Variants in ENTREP2 observed in about 807,000 individuals in gnomAD.
ENTREP2 encodes the protein protein ENTREP2.
chr15:29,409,451 G>A, the ENTREP2 span, among the ~76,000 whole-genome samples: 17 of 151,804 alleles, frequency 1.1e-4, no homozygotes, highest in African/African-American at 4.1e-4. Flanking sequence ...TCAGCCTCCT[G>A]AGTAGCTGGG....
the ENTREP2 span, chr15:29,570,713 G>A: frequency 9.3e-7 from 1 of 1,073,410 alleles, no homozygotes; most frequent in Non-Finnish European, 1.1e-6. Flanking sequence ...GGGGCCGCCG[G>A]CCGGAGGCAT....
the ENTREP2 span, among the ~76,000 whole-genome samples, chr15:29,660,196 ATC>A: frequency 6.6e-6 from 1 of 152,220 alleles, no homozygotes; most frequent in Non-Finnish European, 1.5e-5. Flanking sequence ...AAATGCAAGG[ATC>A]TTTCCATTAC....
At chr15:29,198,511 G>A in the ENTREP2 span, among the ~76,000 whole-genome samples, 1 of 152,254 alleles carries the variant, frequency 6.6e-6, no homozygotes, top group African/African-American at 2.4e-5. Flanking sequence ...TGTCCATGCA[G>A]TAACTAATAT....
chr15:29,483,462 TTA>T, the ENTREP2 span, among the ~76,000 whole-genome samples: 1 of 152,228 alleles, frequency 6.6e-6, no homozygotes, highest in South Asian at 2.1e-4. Context: ...CTGTATAATT[TTA>T]TGTTTTACAC....
the ENTREP2 span, among the ~76,000 whole-genome samples, chr15:29,490,984 G>C: frequency 6.6e-6 from 1 of 152,200 alleles, no homozygotes; most frequent in Non-Finnish European, 1.5e-5. Context: ...CACTGCAGGG[G>C]GCAGCATGGC....
chr15:29,355,015 C>A, the ENTREP2 span, among the ~76,000 whole-genome samples: 1 of 152,020 alleles, frequency 6.6e-6, no homozygotes, highest in African/African-American at 2.4e-5. Flanking sequence ...CTGGAGTGGG[C>A]AAGGCATGGC....
chr15:29,571,116 GCGGGAGCCGGGACC>G, the ENTREP2 span, among the ~76,000 whole-genome samples: 1 of 151,146 alleles, frequency 6.6e-6, no homozygotes, highest in Non-Finnish European at 1.5e-5. Flanking sequence ...TGGGGCGGGA[GCGGGAGCCGGGACC>G]CGGGAGCCGG....
chr15:29,392,375 AG>A, the ENTREP2 span, among the ~76,000 whole-genome samples: 1 of 115,704 alleles, frequency 8.6e-6, no homozygotes, highest in Non-Finnish European at 1.7e-5. Context: ...CCCCGATTAA[AG>A]TTCCTTTAGA....
At chr15:29,607,122 C>A in the ENTREP2 span, among the ~76,000 whole-genome samples, 2 of 152,162 alleles carry the variant, frequency 1.3e-5, no homozygotes, top group Non-Finnish European at 2.9e-5. Context: ...CATGAGCCAC[C>A]GCATTCACAT....
At chr15:29,657,036 C>T in the ENTREP2 span, among the ~76,000 whole-genome samples, 2 of 152,086 alleles carry the variant, frequency 1.3e-5, no homozygotes, top group Non-Finnish European at 2.9e-5. Flanking sequence ...GCCGGGCCTT[C>T]GTGGTGAGTG....
At chr15:29,166,108 AT>A in the ENTREP2 span, among the ~76,000 whole-genome samples, 1 of 152,234 alleles carries the variant, frequency 6.6e-6, no homozygotes, top group Non-Finnish European at 1.5e-5. Context: ...AAAGCATTTG[AT>A]AAAATCCAGC....
chr15:29,253,083 T>C, the ENTREP2 span, among the ~76,000 whole-genome samples: 7 of 152,228 alleles, frequency 4.6e-5, no homozygotes, highest in Non-Finnish European at 8.8e-5. Flanking sequence ...ATAGCCAAAA[T>C]AGTCATCATA....
At chr15:29,658,952 C>A in the ENTREP2 span, among the ~76,000 whole-genome samples, 1 of 152,194 alleles carries the variant, frequency 6.6e-6, no homozygotes, top group African/African-American at 2.4e-5. Flanking sequence ...AAAATTCTTT[C>A]CCAACTAAAG....
chr15:29,660,112 T>TTATG, the ENTREP2 span, among the ~76,000 whole-genome samples: 1 of 152,218 alleles, frequency 6.6e-6, no homozygotes, highest in Admixed American at 6.5e-5. Flanking sequence ...ACCACTATGT[T>TTATG]TATGTACCTG....
At chr15:29,363,167 A>T in the ENTREP2 span, among the ~76,000 whole-genome samples, 1 of 151,122 alleles carries the variant, frequency 6.6e-6, no homozygotes, top group Admixed American at 6.6e-5. Context: ...ACATTCTCTT[A>T]AAAAAAAAGG....
the ENTREP2 span, among the ~76,000 whole-genome samples, chr15:29,440,366 G>C: frequency 6.6e-6 from 1 of 152,212 alleles, no homozygotes; most frequent in East Asian, 1.9e-4. Context: ...CATCATTTTT[G>C]CATCATCCTA....
the ENTREP2 span, among the ~76,000 whole-genome samples, chr15:29,598,585 G>A: frequency 2.4e-3 from 365 of 152,290 alleles, 3 homozygotes; most frequent in African/African-American, 8.5e-3. Flanking sequence ...TTATCACTAA[G>A]ATTATATCTG....
chr15:29,489,351 T>C, the ENTREP2 span, among the ~76,000 whole-genome samples: 5 of 152,246 alleles, frequency 3.3e-5, no homozygotes, highest in Middle Eastern at 3.4e-3. Flanking sequence ...GACTAAACCA[T>C]ATGGAACCAT....
the ENTREP2 span, among the ~76,000 whole-genome samples, chr15:29,227,325 G>A: frequency 2.6e-5 from 4 of 152,264 alleles, no homozygotes; most frequent in East Asian, 1.9e-4. Context: ...AAAGGTGATC[G>A]GGTCCCAGAA....
Sources: gnomAD v4.1 joint callset for allele counts (sites outside exome capture counted in the v4.1 genomes callset) on GRCh38, gnomAD v4.1.1 for gene constraint, MANE v1.5 for transcripts, NCBI Gene and HGNC (gene_info 2026-07-23, HGNC 2026-07-21) for gene names.